Variants in GLI2 observed in about 807,000 individuals in gnomAD.
GLI2 encodes the protein transcription activator GLI2.
A neutral mutation model predicts 78.9 loss-of-function variants in GLI2; 22 were observed. The observed-to-expected ratio is 0.28, with a 90% CI of 0.20 to 0.40. The LOEUF (loss-of-function observed/expected upper bound fraction) is 0.40, where lower values mean the gene tolerates loss of function less well. GLI2 is among the 10% of genes least tolerant of loss of function. The probability of loss-of-function intolerance (pLI) is 1.00; values close to 1 mark genes in which losing one functional copy is unlikely to be tolerated. For synonymous variants in GLI2, 974 were observed against 963.7 expected (o/e 1.01, Z -0.20); for missense variants, 2,097 against 2,213.2 (o/e 0.95, Z 1.05).
rs572865932 is a variant in GLI2 at position 120,892,794 on chromosome 2, G to C, written c.149-34567G>C. On this transcript the variant is annotated intron_variant, in intron 2 of 13. Transcript: ENST00000361492. ...GAGCTCAGCTGCCCTTGCCCAGAGTGGTAGGGGGTGTGCCATTGTCCCTGA... is the reference window on the plus strand; with the variant it reads ...GAGCTCAGCTGCCCTTGCCCAGAGTCGTAGGGGGTGTGCCATTGTCCCTGA... Among the ~76,000 whole-genome samples, 6 of 152,102 alleles carry C rather than the reference G, an allele frequency of 3.9e-5. No homozygotes were observed. The South Asian group carries it at 1.0e-3, about 26-fold the overall frequency.
At chr2:120,928,017 A>G (rs1679773306) in intron 3 of GLI2, among the ~76,000 whole-genome samples, 1 of 152,104 alleles carries the variant, frequency 6.6e-6, no homozygotes, top group African/African-American at 2.4e-5. Flanking sequence ...TGTCCCTGTC[A>G]TACCCACCTG....
Position 120,971,302 on chromosome 2 carries a change from A to G in GLI2, c.1060-639A>G, listed in dbSNP as rs550441851. On this transcript the variant is annotated intron_variant, in intron 7 of 13. Coordinates refer to ENST00000361492, the MANE Select transcript of GLI2 (RefSeq NM_001374353.1). ...GGCTCTGATCCTGGGAGCACTGACA[A>G]CGACAATGCCAGAGGTGAAGGGACC... Among the ~76,000 whole-genome samples, 3 of 152,348 alleles carry G rather than the reference A, an allele frequency of 2.0e-5. No individual in the cohort carries two copies. In the East Asian group the frequency reaches 5.8e-4, roughly 29 times the overall value.
At chr2:120,828,132 T>C (rs376459599) in intron 2 of GLI2, among the ~76,000 whole-genome samples, 1 of 152,270 alleles carries the variant, frequency 6.6e-6, no homozygotes, top group East Asian at 1.9e-4. Flanking sequence ...AAAGCTTCCG[T>C]GAACCTTGGG....
chr2:120,743,966 C>G (rs898919137), intron 1 of GLI2, among the ~76,000 whole-genome samples: 2 of 152,244 alleles, frequency 1.3e-5, no homozygotes, highest in Non-Finnish European at 2.9e-5. Flanking sequence ...TTGCTGGCCA[C>G]TCTTCTTAGC....
At chr2:120,775,100 C>T (rs1683638257) in intron 1 of GLI2, among the ~76,000 whole-genome samples, 1 of 152,144 alleles carries the variant, frequency 6.6e-6, no homozygotes, top group South Asian at 2.1e-4. Flanking sequence ...TATGCCGGGA[C>T]CTTGTTGTCT....
intron 2 of GLI2, among the ~76,000 whole-genome samples, chr2:120,823,354 T>G (rs1440871586): frequency 2.0e-5 from 3 of 152,120 alleles, no homozygotes; most frequent in Non-Finnish European, 4.4e-5. Flanking sequence ...TGTGTGGGGC[T>G]GGGGGAGAAA....
chr2:120,797,231 C>G, intron 1 of GLI2, 60 bp from the exon 2 acceptor site: 1 of 1,297,686 alleles, frequency 7.7e-7, no homozygotes, highest in South Asian at 1.2e-5. Context: ...GAATCTGGGT[C>G]GGCGTTTCCC....
chr2:120,776,996 G>A (rs1683697504), intron 1 of GLI2, among the ~76,000 whole-genome samples: 1 of 152,226 alleles, frequency 6.6e-6, no homozygotes, highest in South Asian at 2.1e-4. Flanking sequence ...CCCCAGCAGT[G>A]AGAGGTGGGC....
At chr2:120,947,881 C>T (rs547110229) in intron 3 of GLI2, among the ~76,000 whole-genome samples, 45 of 152,336 alleles carry the variant, frequency 3.0e-4, no homozygotes, top group Non-Finnish European at 5.1e-4. Flanking sequence ...GCTCACATCC[C>T]CCTCTTCAGG....
At chr2:120,813,061 G>A (rs926732244) in intron 2 of GLI2, among the ~76,000 whole-genome samples, 1 of 152,232 alleles carries the variant, frequency 6.6e-6, no homozygotes, top group Non-Finnish European at 1.5e-5. Flanking sequence ...GGGTCCCGAA[G>A]AATTTTCAGC....
intron 2 of GLI2, among the ~76,000 whole-genome samples, chr2:120,863,180 G>C (rs1573499133): frequency 6.6e-6 from 1 of 152,210 alleles, no homozygotes; most frequent in East Asian, 1.9e-4. Flanking sequence ...TGGATTAACA[G>C]GAGTTTCTGG....
At chr2:120,912,907 T>A (rs1678900822) in intron 2 of GLI2, among the ~76,000 whole-genome samples, 1 of 152,190 alleles carries the variant, frequency 6.6e-6, no homozygotes, top group Non-Finnish European at 1.5e-5. Context: ...AGGCACAGGC[T>A]GACTTAATCC....
chr2:120,809,069 G>A (rs1685105269), intron 2 of GLI2, among the ~76,000 whole-genome samples: 1 of 152,176 alleles, frequency 6.6e-6, no homozygotes, highest in African/African-American at 2.4e-5. Flanking sequence ...GTATATGGGT[G>A]TTTATAGCAA....
At chr2:120,898,726 A>C (rs1183697847) in intron 2 of GLI2, among the ~76,000 whole-genome samples, 1 of 152,224 alleles carries the variant, frequency 6.6e-6, no homozygotes, top group Non-Finnish European at 1.5e-5. Flanking sequence ...TGCTTGTATC[A>C]TAACAAAGTG....
intron 2 of GLI2, among the ~76,000 whole-genome samples, chr2:120,923,776 C>T (rs1236138713): frequency 2.0e-5 from 3 of 152,052 alleles, no homozygotes; most frequent in Admixed American, 2.0e-4. Context: ...CATGCACGTG[C>T]AGCACACACA....
chr2:120,989,786 A>G lies in GLI2; in HGVS notation c.3821A>G (p.Asp1274Gly). The change falls in exon 14 of 14, where the codon GAC (aspartate) becomes GGC (glycine). Residue 1274 changes from aspartate to glycine, a missense_variant. Asp to Gly is a moderately conservative substitution (Grantham distance 94). Transcript: ENST00000361492. ...CCTCAGCAGACAGAAGTGGCACCTG[A>G]CCCCACCACGATGGGCAATCGCCAC... is the stretch of plus-strand genomic sequence containing the variant. ...GHPQQTEVAP[D>G]PTTMGNRHRE... 1 of 1,610,692 alleles carries G rather than the reference A, an allele frequency of 6.2e-7. No homozygotes were observed. Among genetic ancestry groups the G allele is most frequent in the Non-Finnish European group, 8.5e-7 (1 of 1,178,408 alleles).
At chr2:120,933,321 G>C (rs1329664061) in intron 3 of GLI2, among the ~76,000 whole-genome samples, 1 of 152,218 alleles carries the variant, frequency 6.6e-6, no homozygotes, top group African/African-American at 2.4e-5. Context: ...CGTGGTTCCA[G>C]GGGAGGAAAG....
At chr2:120,956,542 C>T (rs775474610) in intron 5 of GLI2, among the ~76,000 whole-genome samples, 8 of 152,054 alleles carry the variant, frequency 5.3e-5, no homozygotes, top group Non-Finnish European at 8.8e-5. Context: ...CCCCAGTCAG[C>T]GCCACTCCGC....
chr2:120,941,950 A>G (rs1317945144), intron 3 of GLI2, among the ~76,000 whole-genome samples: 1 of 152,176 alleles, frequency 6.6e-6, no homozygotes, highest in Non-Finnish European at 1.5e-5. Flanking sequence ...GGGGATGGGA[A>G]CGCAGGACTC....
Sources: allele counts gnomAD v4.1 joint callset (sites outside exome capture counted in the v4.1 genomes callset), GRCh38; gene constraint gnomAD v4.1.1; transcripts MANE v1.5; gene names NCBI Gene and HGNC (gene_info 2026-07-23, HGNC 2026-07-21).